The following FAM114A2 variants were observed in gnomAD, a reference collection of about 807,000 sequenced individuals.
FAM114A2 encodes family with sequence similarity 114 member A2, also known as protein FAM114A2.
A neutral mutation model predicts 58.4 loss-of-function variants in FAM114A2; 53 were observed. That is an observed-to-expected ratio of 0.91 (90% confidence interval 0.73 to 1.14). FAM114A2 has a LOEUF of 1.14. Ranked by LOEUF, FAM114A2 falls within the 50% of genes most tolerant of loss-of-function variation. The pLI, the probability that FAM114A2 is intolerant of heterozygous loss-of-function variation, is 0.00. For synonymous variants in FAM114A2, 228 were observed against 211.4 expected (o/e 1.08, Z -0.68); for missense variants, 601 against 581.1 (o/e 1.03, Z -0.35).
At chr5:153,997,301 G>A (rs1313763693) in intron 12 of FAM114A2, among the ~76,000 whole-genome samples, 2 of 152,108 alleles carry the variant, frequency 1.3e-5, no homozygotes, top group Non-Finnish European at 2.9e-5. Context: ...AAACATACAT[G>A]CATGTTCATA....
At position 154,011,274 on chromosome 5, in the gene FAM114A2, C is replaced by A; in HGVS notation, c.960G>T (p.Leu320=). The A allele has an allele frequency of 6.2e-7, 1 of 1,612,360 alleles. No individual in the cohort carries two copies. Among genetic ancestry groups the A allele is most frequent in the South Asian group, 1.1e-5 (1 of 90,632 alleles). The part of the protein sequence containing the change: ...TKDITELFSQ[L]HVSSKPEKLA... ...GTTTCTCTGGTTTGGAGGAAACGTG[C>A]AGCTGGGAAAACAGCTCTGTTATGT... The change falls in exon 9 of 14, where the codon CTG becomes CTT. Residue 320 remains leucine, a synonymous_variant. Transcript: ENST00000351797.
chr5:153,991,806 G>A lies in FAM114A2; in HGVS notation c.*1170C>T, dbSNP rs548556177. 6.6e-6 allele frequency: 1 copy of A among 151,388 alleles called. No individual in the cohort carries two copies. The highest frequency in any genetic ancestry group is 2.1e-4 in the South Asian group (1 of 4,778). The allele number at this position is 151,388 out of a possible 1,614,324, so 9.4% of individuals were successfully genotyped here. Reference sequence around the variant, plus strand: ...TTTTATTACAAAGGTTTTAGAAGATGAGGGGCAGAGCTAACAAATTACCTT... The same window carrying A: ...TTTTATTACAAAGGTTTTAGAAGATAAGGGGCAGAGCTAACAAATTACCTT... On this transcript the variant is annotated 3_prime_UTR_variant, in exon 14 of 14. Transcript: ENST00000351797.
chr5:154,010,685 C>G (rs554700949), intron 9 of FAM114A2, among the ~76,000 whole-genome samples: 1 of 152,242 alleles, frequency 6.6e-6, no homozygotes, highest in East Asian at 1.9e-4. Context: ...ACCTCCCTAC[C>G]CACTCTGAGC....
chr5:154,026,205 G>A, intron 8 of FAM114A2, 194 bp downstream of exon 8: 1 of 338,420 alleles, frequency 3.0e-6, no homozygotes. Context: ...TGGGCATAAG[G>A]CCAACTGCCC....
At chr5:154,011,810 AG>A (rs1239903921) in intron 8 of FAM114A2, among the ~76,000 whole-genome samples, 1 of 152,214 alleles carries the variant, frequency 6.6e-6, no homozygotes, top group Non-Finnish European at 1.5e-5. Flanking sequence ...GAAGAGTTTC[AG>A]GCAGAGAAAC....
rs933434297 is a variant in FAM114A2, at chr5:154,032,599, A to G, written c.403+1192T>C. 1.3e-5 allele frequency among the ~76,000 whole-genome samples: 2 copies of G among 152,174 alleles called. 1 individual carries two copies. The highest frequency in any genetic ancestry group is 4.8e-5 in the African/African-American group (2 of 41,440). On this transcript the variant is annotated intron_variant, in intron 4 of 13. Coordinates refer to ENST00000351797, the MANE Select transcript of FAM114A2 (RefSeq NM_018691.4). ...ATGAGATCCTGTTCTAGGCAATGGC[A>G]TTGGAGAAGAAACATGCTTGGGACT...
intron 9 of FAM114A2, among the ~76,000 whole-genome samples, chr5:154,005,470 C>A (rs1379101156): frequency 1.3e-5 from 2 of 152,060 alleles, no homozygotes; most frequent in Non-Finnish European, 2.9e-5. Context: ...TAAGAGTTAC[C>A]GAAATGGAAA....
chr5:153,997,822 G>T lies in FAM114A2; in HGVS notation c.1310C>A (p.Thr437Asn). The part of the protein sequence containing the change: ...ELSSLSKEFT[T>N]CLTTAGVKEM... Reference sequence around the variant, plus strand: ...TCTTACCCCAGCAGTTGTTAGGCAGGTAGTGAACTCTTTAGACAGAGAGGA... The same window carrying T: ...TCTTACCCCAGCAGTTGTTAGGCAGTTAGTGAACTCTTTAGACAGAGAGGA... Residue 437 changes from threonine (T) to asparagine (N), a missense_variant, in exon 12 of 14, where the codon ACC becomes AAC. Physicochemically the swap from Thr to Asn is moderately conservative, Grantham distance 65. Transcript: ENST00000351797. 1.3e-6 allele frequency: 2 copies of T among 1,591,772 alleles called. No individual in the cohort carries two copies. The highest frequency in any genetic ancestry group is 1.7e-6 in the Non-Finnish European group (2 of 1,159,792).
intron 12 of FAM114A2, among the ~76,000 whole-genome samples, chr5:153,996,967 A>C (rs112948483): frequency 0.025 from 3,646 of 148,472 alleles, 98 homozygotes; most frequent in African/African-American, 0.063. Flanking sequence ...ATTGCACTCC[A>C]GCCTGGGTGA....
intron 9 of FAM114A2, among the ~76,000 whole-genome samples, chr5:154,008,398 T>C (rs1581784364): frequency 1.3e-5 from 2 of 152,272 alleles, no homozygotes; most frequent in East Asian, 1.9e-4. Flanking sequence ...GTTACTTTTG[T>C]AGTACAGGTC....
Position 153,994,971 on chromosome 5 carries a change from A to G in FAM114A2, c.1331T>C (p.Val444Ala), listed in dbSNP as rs960159820. 10 of 1,604,202 alleles carry G rather than the reference A, an allele frequency of 6.2e-6. No homozygotes were observed. Among genetic ancestry groups the G allele is most frequent in the Non-Finnish European group, 8.5e-6 (10 of 1,171,276 alleles). The change falls in exon 13 of 14, where the codon GTC (valine) becomes GCC (alanine). Residue 444 changes from valine (V) to alanine (A), a missense_variant and splice_region_variant. Transcript: ENST00000351797. ...GTTAAGGACATCTGCCATTTCTTTG[A>G]CCTGGAATAACGAATACATTTTTAA... Reference protein sequence around the residue: ...EFTTCLTTAGVKEMADVLNPL... With the variant: ...EFTTCLTTAGAKEMADVLNPL...
intron 13 of FAM114A2, among the ~76,000 whole-genome samples, chr5:153,993,834 T>C (rs1377076912): frequency 6.6e-6 from 1 of 152,192 alleles, no homozygotes; most frequent in East Asian, 1.9e-4. Flanking sequence ...TCAAGTGATA[T>C]TACCTTTTTA....
intron 8 of FAM114A2, among the ~76,000 whole-genome samples, chr5:154,023,631 TG>T (rs1254084795): frequency 6.6e-6 from 1 of 152,082 alleles, no homozygotes; most frequent in East Asian, 1.9e-4. Context: ...GGGGAAAGGA[TG>T]GGAAGGGAGT....
At chr5:154,006,769 A>T (rs879721672) in intron 9 of FAM114A2, among the ~76,000 whole-genome samples, 3 of 150,942 alleles carry the variant, frequency 2.0e-5, no homozygotes, top group Non-Finnish European at 4.4e-5. Context: ...AAAAACGGAT[A>T]CCATAAATTT....
intron 11 of FAM114A2, among the ~76,000 whole-genome samples, chr5:154,001,672 A>G (rs1258655470): frequency 4.6e-5 from 7 of 152,290 alleles, no homozygotes; most frequent in Non-Finnish European, 8.8e-5. Flanking sequence ...TTCCCTACCT[A>G]TGATTATCTA....
At chr5:154,021,033 C>A (rs552678172) in intron 8 of FAM114A2, among the ~76,000 whole-genome samples, 4 of 152,222 alleles carry the variant, frequency 2.6e-5, no homozygotes, top group African/African-American at 9.6e-5. Flanking sequence ...TAAACAGAAC[C>A]AACGACAAAA....
At chr5:154,009,332 T>G (rs1340575330) in intron 9 of FAM114A2, among the ~76,000 whole-genome samples, 1 of 151,840 alleles carries the variant, frequency 6.6e-6, no homozygotes, top group Non-Finnish European at 1.5e-5. Context: ...AGGACAGTGA[T>G]GAATTACAAG....
chr5:153,998,226 C>T (rs767442095), intron 11 of FAM114A2, among the ~76,000 whole-genome samples: 2 of 152,246 alleles, frequency 1.3e-5, no homozygotes, highest in Non-Finnish European at 2.9e-5. Flanking sequence ...CCACAGAACC[C>T]ACTCATTAGT....
At chr5:153,999,618 G>A (rs868512311) in intron 11 of FAM114A2, among the ~76,000 whole-genome samples, 1 of 145,748 alleles carries the variant, frequency 6.9e-6, no homozygotes, top group African/African-American at 2.6e-5. Flanking sequence ...GAGTGACACA[G>A]CAAGACTCCA....
Sources: gnomAD v4.1 joint callset for allele counts (sites outside exome capture counted in the v4.1 genomes callset) on GRCh38, gnomAD v4.1.1 for gene constraint, MANE v1.5 for transcripts, NCBI Gene and HGNC (gene_info 2026-07-23, HGNC 2026-07-21) for gene names.